The following SLC39A12 variants were observed in gnomAD, a reference collection of about 807,000 sequenced individuals.
SLC39A12 encodes the protein zinc transporter ZIP12.
Under a neutral mutation model 71.1 loss-of-function variants are expected in SLC39A12, and 63 were observed. The ratio of observed to expected loss-of-function variants is 0.89; its 90% confidence interval spans 0.72 to 1.09. The LOEUF (loss-of-function observed/expected upper bound fraction) is 1.09. SLC39A12 is among the 50% of genes least tolerant of loss of function. The pLI is 0.00. For missense variants in SLC39A12, 892 were observed against 812.6 expected (o/e 1.10, Z -1.19); for synonymous variants, 351 against 301.3 (o/e 1.16, Z -1.71).
At chr10:17,992,757 G>A (rs2130828292) in intron 8 of SLC39A12, among the ~76,000 whole-genome samples, 1 of 152,246 alleles carries the variant, frequency 6.6e-6, no homozygotes, top group East Asian at 1.9e-4. Context: ...TGAGTTTTAA[G>A]AGCATAATTC....
At chr10:18,017,636 G>C (rs980003235) in intron 12 of SLC39A12, among the ~76,000 whole-genome samples, 3 of 152,062 alleles carry the variant, frequency 2.0e-5, no homozygotes, top group African/African-American at 7.2e-5. Flanking sequence ...ACCATTTTTT[G>C]AAAAGAGGCC....
intron 10 of SLC39A12, among the ~76,000 whole-genome samples, chr10:17,999,345 A>T (rs1384121168): frequency 6.6e-6 from 1 of 151,802 alleles, no homozygotes; most frequent in African/African-American, 2.4e-5. Context: ...CAGTTCTAAC[A>T]GTAACAGTAA....
intron 12 of SLC39A12, among the ~76,000 whole-genome samples, chr10:18,035,581 C>G (rs146931522): frequency 0.021 from 3,140 of 152,110 alleles, 42 homozygotes; most frequent in East Asian, 0.039. Context: ...AACTTCTTTG[C>G]CTTTGCTTTG....
chr10:17,976,918 A>G (rs920859712), intron 4 of SLC39A12, among the ~76,000 whole-genome samples: 8 of 152,042 alleles, frequency 5.3e-5, no homozygotes, highest in African/African-American at 1.9e-4. Flanking sequence ...CCTTTCTCTG[A>G]CTGCTAATAT....
At chr10:18,030,491 G>A (rs1455212356) in intron 12 of SLC39A12, among the ~76,000 whole-genome samples, 3 of 151,710 alleles carry the variant, frequency 2.0e-5, no homozygotes, top group Admixed American at 6.6e-5. Flanking sequence ...CGCCTGCCTC[G>A]GCCTCCCAAA....
rs781868690 is a variant in SLC39A12, at chr10:17,961,829, C to T, written c.510C>T (p.Phe170=). 6.2e-7 allele frequency: 1 copy of T among 1,613,846 alleles called. No individual in the cohort carries two copies. Among genetic ancestry groups the T allele is most frequent in the African/African-American group, 1.3e-5 (1 of 74,926 alleles). The part of the protein sequence containing the change: ...SQNETEDILA[F]TRQYFDTSQS... ...ATGAGACAGAAGATATCTTGGCTTTCACCAGGCAGTACTTTGACACTTCTC... is the reference window on the plus strand; with the variant it reads ...ATGAGACAGAAGATATCTTGGCTTTTACCAGGCAGTACTTTGACACTTCTC... Residue 170 remains phenylalanine, a synonymous_variant, in exon 3 of 13, where the codon TTC becomes TTT. Coordinates refer to ENST00000377369, the MANE Select transcript of SLC39A12 (RefSeq NM_001145195.2).
intron 12 of SLC39A12, among the ~76,000 whole-genome samples, chr10:18,014,057 A>G (rs1384285085): frequency 1.3e-5 from 2 of 152,166 alleles, no homozygotes; most frequent in Non-Finnish European, 2.9e-5. Context: ...AGTAGTATTG[A>G]TATCTTAATA....
chr10:17,993,418 G>A (rs1265663999), intron 9 of SLC39A12, 127 bp downstream of exon 9: 1 of 705,828 alleles, frequency 1.4e-6, no homozygotes, highest in Non-Finnish European at 2.4e-6. Flanking sequence ...GTTCTTAACT[G>A]TGATAAATAC....
At chr10:17,963,579 A>G (rs1013347101) in intron 3 of SLC39A12, among the ~76,000 whole-genome samples, 3 of 152,220 alleles carry the variant, frequency 2.0e-5, no homozygotes, top group African/African-American at 7.2e-5. Context: ...GAACACCTGG[A>G]TGACACCACT....
At chr10:18,012,644 G>A (rs898362323) in intron 12 of SLC39A12, among the ~76,000 whole-genome samples, 12 of 152,100 alleles carry the variant, frequency 7.9e-5, no homozygotes, top group Non-Finnish European at 1.2e-4. Flanking sequence ...AGAGACAGGC[G>A]GATCACGAGG....
At chr10:18,038,261 C>T (rs1231101145) in intron 12 of SLC39A12, among the ~76,000 whole-genome samples, 1 of 151,960 alleles carries the variant, frequency 6.6e-6, no homozygotes, top group Non-Finnish European at 1.5e-5. Flanking sequence ...GGAGTAGGGT[C>T]ACTGACTCTC....
chr10:17,990,675 G>A (rs1276651189), intron 7 of SLC39A12, among the ~76,000 whole-genome samples: 1 of 152,060 alleles, frequency 6.6e-6, no homozygotes. Flanking sequence ...CTTCACGGTG[G>A]ATTTCTTACT....
At chr10:17,963,564 C>T (rs1190064730) in intron 3 of SLC39A12, among the ~76,000 whole-genome samples, 1 of 152,316 alleles carries the variant, frequency 6.6e-6, no homozygotes, top group South Asian at 2.1e-4. Context: ...ACACCTCAGG[C>T]CAGTGAACAC....
chr10:17,968,534 G>A (rs186095094), intron 4 of SLC39A12, among the ~76,000 whole-genome samples: 1 of 152,062 alleles, frequency 6.6e-6, no homozygotes, highest in Non-Finnish European at 1.5e-5. Context: ...TATAAGGCAG[G>A]TCTGCTAGCA....
At chr10:18,019,364 G>A (rs1451261216) in intron 12 of SLC39A12, among the ~76,000 whole-genome samples, 1 of 151,728 alleles carries the variant, frequency 6.6e-6, no homozygotes, top group African/African-American at 2.4e-5. Context: ...TCGAATTTCT[G>A]TATTGATTAA....
chr10:17,965,370 AT>A, intron 3 of SLC39A12, 112 bp from the exon 4 acceptor site: 1 of 859,596 alleles, frequency 1.2e-6, no homozygotes, highest in Non-Finnish European at 1.8e-6. Flanking sequence ...AAATGATTCA[AT>A]TTTCTTTTAG....
chr10:17,988,890 G>A (rs1425480963), intron 7 of SLC39A12, among the ~76,000 whole-genome samples: 1 of 152,184 alleles, frequency 6.6e-6, no homozygotes, highest in Non-Finnish European at 1.5e-5. Context: ...GCGATTGCCA[G>A]TCTCTGGGTG....
At chr10:17,994,006 TAGC>T (rs148617913) in intron 9 of SLC39A12, among the ~76,000 whole-genome samples, 32 of 152,274 alleles carry the variant, frequency 2.1e-4, no homozygotes, top group Non-Finnish European at 4.3e-4. Context: ...GACATTGACA[TAGC>T]AAAATAGAAG....
intron 4 of SLC39A12, among the ~76,000 whole-genome samples, chr10:17,969,957 AT>A (rs1455694961): frequency 6.6e-6 from 1 of 150,786 alleles, no homozygotes; most frequent in Non-Finnish European, 1.5e-5. Flanking sequence ...ATTTGATTTG[AT>A]TTTTGTATAT....
Sources: allele counts gnomAD v4.1 joint callset (sites outside exome capture counted in the v4.1 genomes callset), GRCh38; gene constraint gnomAD v4.1.1; transcripts MANE v1.5; gene names NCBI Gene and HGNC (gene_info 2026-07-23, HGNC 2026-07-21).